L3MBTL4: variants seen among roughly 807,000 people sequenced by gnomAD.
L3MBTL4 encodes lethal(3)malignant brain tumor-like protein 4.
In L3MBTL4, 70 loss-of-function variants were observed where a neutral mutation model predicts 84.5. The ratio of observed to expected loss-of-function variants is 0.83; its 90% CI spans 0.68 to 1.01. The LOEUF (loss-of-function observed/expected upper bound fraction) is 1.01. Ranked by LOEUF, L3MBTL4 falls within the 50% of genes least tolerant of loss-of-function variation. The probability of loss-of-function intolerance (pLI) is 0.00; values close to 1 mark genes in which losing one functional copy is unlikely to be tolerated. For missense variants in L3MBTL4, 715 were observed against 754.8 expected, an observed-to-expected ratio of 0.95 and a Z score of 0.62; for synonymous variants, 274 against 259.8, an observed-to-expected ratio of 1.05 and a Z score of -0.52.
intron 9 of L3MBTL4, among the ~76,000 whole-genome samples, chr18:6,238,332 G>C (rs1836831241): frequency 6.6e-6 from 1 of 152,316 alleles, no homozygotes; most frequent in Middle Eastern, 3.4e-3. Flanking sequence ...AGGAGATCGA[G>C]ACCATCCTGG....
chr18:6,048,408 A>G (rs2056713869), intron 16 of L3MBTL4, among the ~76,000 whole-genome samples: 1 of 152,246 alleles, frequency 6.6e-6, no homozygotes, highest in Non-Finnish European at 1.5e-5. Flanking sequence ...GGAACCAAAA[A>G]TAGCCCAAAT....
At chr18:6,070,100 T>A (rs1192682715) in intron 16 of L3MBTL4, among the ~76,000 whole-genome samples, 2 of 151,548 alleles carry the variant, frequency 1.3e-5, no homozygotes, top group Admixed American at 1.3e-4. Flanking sequence ...GCAGATGGAG[T>A]CTCAATAGGG....
chr18:6,187,866 CAAAA>C (rs36013917), intron 12 of L3MBTL4, among the ~76,000 whole-genome samples: 6 of 96,900 alleles, frequency 6.2e-5, no homozygotes, highest in Admixed American at 1.1e-4. Flanking sequence ...CTCTTGGTAC[CAAAA>C]AAAAAAAAAA....
intron 4 of L3MBTL4, among the ~76,000 whole-genome samples, chr18:6,293,898 T>C (rs1305354046): frequency 6.6e-6 from 1 of 152,182 alleles, no homozygotes; most frequent in Admixed American, 6.5e-5. Flanking sequence ...CTGTTCCAGA[T>C]TGAGGGGACG....
chr18:6,212,533 C>A (rs550380003), intron 12 of L3MBTL4, among the ~76,000 whole-genome samples: 59 of 152,158 alleles, frequency 3.9e-4, no homozygotes, highest in Non-Finnish European at 7.4e-4. Context: ...GTATAGAAAT[C>A]TTTTAATCAA....
At chr18:6,096,522 T>A (rs2058648994) in intron 14 of L3MBTL4, among the ~76,000 whole-genome samples, 1 of 152,186 alleles carries the variant, frequency 6.6e-6, no homozygotes, top group Non-Finnish European at 1.5e-5. Context: ...GAGAAATAGC[T>A]ACATTAAGGA....
At chr18:6,096,469 A>G (rs28668029) in intron 14 of L3MBTL4, among the ~76,000 whole-genome samples, 5,691 of 152,256 alleles carry the variant, frequency 0.037, 340 homozygotes, top group African/African-American at 0.13. Context: ...CTGAGAATCT[A>G]CTGTGACCAA....
intron 16 of L3MBTL4, among the ~76,000 whole-genome samples, chr18:6,062,456 A>T (rs2057256631): frequency 6.6e-6 from 1 of 151,902 alleles, no homozygotes; most frequent in Non-Finnish European, 1.5e-5. Flanking sequence ...GTAGGTTCAG[A>T]TGTTTTGATA....
chr18:6,200,824 T>C (rs1372560080), intron 12 of L3MBTL4, among the ~76,000 whole-genome samples: 1 of 152,252 alleles, frequency 6.6e-6, no homozygotes, highest in Non-Finnish European at 1.5e-5. Context: ...TTCTATGTGA[T>C]GTTAGAAATA....
chr18:6,344,510 GT>G (rs1215280825), intron 1 of L3MBTL4, among the ~76,000 whole-genome samples: 1 of 152,210 alleles, frequency 6.6e-6, no homozygotes, highest in East Asian at 1.9e-4. Flanking sequence ...AAATTGAAGA[GT>G]AGAGACAACA....
chr18:5,980,801 C>A lies in L3MBTL4; in HGVS notation c.1445-11239G>T, dbSNP rs149081052. Among the ~76,000 whole-genome samples the A allele has an allele frequency of 5.0e-3, 767 of 152,236 alleles. 10 individuals are homozygous for A. Among genetic ancestry groups the A allele is most frequent in the African/African-American group, 0.017 (713 of 41,534 alleles). ...GAAGTAGCTCATGGGCTATTTTCTT[C>A]TTGTAGGAGTTGTGCATATTTCCAG... is the stretch of plus-strand genomic sequence containing the variant. On this transcript the variant is annotated intron_variant, in intron 16 of 18. Transcript: ENST00000317931.
chr18:6,015,970 A>T (rs2054953854), intron 16 of L3MBTL4, among the ~76,000 whole-genome samples: 1 of 152,172 alleles, frequency 6.6e-6, no homozygotes, highest in South Asian at 2.1e-4. Flanking sequence ...AAAAATAAAA[A>T]AGAAAAATAA....
At chr18:5,982,514 A>C (rs1689944100) in intron 16 of L3MBTL4, among the ~76,000 whole-genome samples, 1 of 152,244 alleles carries the variant, frequency 6.6e-6, no homozygotes, top group Non-Finnish European at 1.5e-5. Context: ...GCACAGAAGC[A>C]GAGAAACCAC....
chr18:6,086,825 T>C (rs1325916952), intron 15 of L3MBTL4, among the ~76,000 whole-genome samples: 1 of 152,154 alleles, frequency 6.6e-6, no homozygotes, highest in Non-Finnish European at 1.5e-5. Flanking sequence ...TACCTGAAAA[T>C]TGGCTCCACA....
At chr18:6,137,701 A>C (rs1354330074) in intron 14 of L3MBTL4, among the ~76,000 whole-genome samples, 1 of 152,256 alleles carries the variant, frequency 6.6e-6, no homozygotes, top group Non-Finnish European at 1.5e-5. Context: ...TTCAAAAGCA[A>C]CATCTGTTCA....
At chr18:6,300,670 G>C (rs956179466) in intron 4 of L3MBTL4, among the ~76,000 whole-genome samples, 3 of 152,146 alleles carry the variant, frequency 2.0e-5, no homozygotes, top group Non-Finnish European at 2.9e-5. Flanking sequence ...TCTTTTTCTA[G>C]AGTAAATGTT....
intron 14 of L3MBTL4, among the ~76,000 whole-genome samples, chr18:6,113,613 G>C (rs1479697296): frequency 6.6e-6 from 1 of 151,996 alleles, no homozygotes; most frequent in Admixed American, 6.6e-5. Context: ...TGTTTATTTT[G>C]CTTTATTTGG....
In L3MBTL4 at chr18:6,124,220, T is replaced by A. The variant is rs191097813; in HGVS notation, c.1199+13974A>T. Among the ~76,000 whole-genome samples, 79 of 152,136 alleles carry A rather than the reference T, an allele frequency of 5.2e-4. No individual in the cohort carries two copies. The East Asian group carries it at 0.015, about 28-fold the overall frequency. ...AAAAGATGGAGTCACGAGGGATAGA[T>A]GTAGAGGTTCCAATGTCATTTAATA... On this transcript the variant is annotated intron_variant, in intron 14 of 18. Transcript: ENST00000317931.
chr18:6,018,730 G>A (rs922444429), intron 16 of L3MBTL4, among the ~76,000 whole-genome samples: 1 of 152,168 alleles, frequency 6.6e-6, no homozygotes, highest in Admixed American at 6.5e-5. Flanking sequence ...TAGACAACTG[G>A]ATAATTTTTA....
Sources: allele counts gnomAD v4.1 joint callset (sites outside exome capture counted in the v4.1 genomes callset), GRCh38; gene constraint gnomAD v4.1.1; transcripts MANE v1.5; gene names NCBI Gene and HGNC (gene_info 2026-07-23, HGNC 2026-07-21).